The following RAD51D variants were observed in gnomAD, a reference collection of about 807,000 sequenced individuals.
RAD51D encodes the protein RAD51 paralog D, also known as DNA repair protein RAD51 homolog 4.
A neutral mutation model predicts 44.1 loss-of-function variants in RAD51D; 38 were observed. The ratio of observed to expected loss-of-function variants is 0.86; its 90% CI spans 0.67 to 1.13. The LOEUF (loss-of-function observed/expected upper bound fraction) is 1.13, where lower values mean the gene tolerates loss of function less well. Ranked by LOEUF, RAD51D falls within the 50% of genes most tolerant of loss-of-function variation. The pLI is 0.00. For synonymous variants in RAD51D, 141 were observed against 166.6 expected (o/e 0.85, Z 1.18); for missense variants, 390 against 414.0 (o/e 0.94, Z 0.50).
chr17:35,112,861 G>A (rs1235501804), intron 3 of RAD51D, among the ~76,000 whole-genome samples: 1 of 152,172 alleles, frequency 6.6e-6, no homozygotes, highest in Non-Finnish European at 1.5e-5. Flanking sequence ...CAAGGACTGG[G>A]TCCGATCCCT....
chr17:35,119,061 G>T, intron 2 of RAD51D, 50 bp downstream of exon 2: 2 of 1,566,842 alleles, frequency 1.3e-6, no homozygotes, highest in South Asian at 2.2e-5. Context: ...GCTTGGGATG[G>T]ACTTTTTAAA....
At chr17:35,105,286 T>C in intron 6 of RAD51D, among the ~76,000 whole-genome samples, 1 of 152,122 alleles carries the variant, frequency 6.6e-6, no homozygotes, top group East Asian at 1.9e-4. Flanking sequence ...CTGAGGTAAG[T>C]ATTTGTTCAA....
chr17:35,101,483 G>T, intron 8 of RAD51D, 118 bp from the exon 9 acceptor site: 1 of 1,156,496 alleles, frequency 8.6e-7, no homozygotes, highest in Non-Finnish European at 1.3e-6. Context: ...CTTCCCCAAG[G>T]TTACAAAACC....
rs1353894700 is a variant in RAD51D at position 35,103,353 on chromosome 17, G to A, written c.668-29C>T. On this transcript the variant is annotated intron_variant, in intron 7 of 9. Transcript: ENST00000345365. The surrounding 1 kb of genome is among the most constrained non-coding windows in gnomAD (Gnocchi z 4.1). ...CAGGAGGAGGAGAAGCAGAGAGGGA[G>A]GGCAGTGGGGAACCAGGGATGGGGC... The A allele has an allele frequency of 7.4e-6, 12 of 1,612,196 alleles. No individual in the cohort carries two copies. Among genetic ancestry groups the A allele is most frequent in the East Asian group, 4.5e-5 (2 of 44,864 alleles).
At chr17:35,108,681 C>G (rs1177600891) in intron 3 of RAD51D, among the ~76,000 whole-genome samples, 2 of 151,900 alleles carry the variant, frequency 1.3e-5, no homozygotes, top group Non-Finnish European at 2.9e-5. Flanking sequence ...CTACTATAAT[C>G]AAGATACAGA....
chr17:35,113,686 T>A, intron 3 of RAD51D: 1 of 262,020 alleles, frequency 3.8e-6, no homozygotes, highest in Non-Finnish European at 7.9e-6. Context: ...GCTCACCCCA[T>A]CTCTGTTTAA....
chr17:35,117,246 A>G (rs1320948061), intron 3 of RAD51D, among the ~76,000 whole-genome samples: 1 of 152,208 alleles, frequency 6.6e-6, no homozygotes, highest in Non-Finnish European at 1.5e-5. Flanking sequence ...GCCCTTAGCC[A>G]GTGCTTGATG....
At chr17:35,114,221 G>A (rs938676058) in intron 3 of RAD51D, among the ~76,000 whole-genome samples, 6 of 152,144 alleles carry the variant, frequency 3.9e-5, no homozygotes, top group East Asian at 1.9e-4. Flanking sequence ...GCAGTGAGCC[G>A]AGATCGCGCC....
At chr17:35,116,643 C>T (rs2091751671) in intron 3 of RAD51D, among the ~76,000 whole-genome samples, 2 of 152,014 alleles carry the variant, frequency 1.3e-5, no homozygotes, top group Non-Finnish European at 2.9e-5. Context: ...TACAGGCGCC[C>T]GCCACCACGC....
Position 35,103,358 on chromosome 17 carries a change from G to T in RAD51D, c.668-34C>A. The T allele has an allele frequency of 6.2e-7, 1 of 1,612,112 alleles. No individual in the cohort carries two copies. Among genetic ancestry groups the T allele is most frequent in the Non-Finnish European group, 8.5e-7 (1 of 1,178,438 alleles). ...GGAGGAGAAGCAGAGAGGGAGGGCA[G>T]TGGGGAACCAGGGATGGGGCTGGCC... On this transcript the variant is annotated intron_variant, in intron 7 of 9. Coordinates refer to ENST00000345365, the MANE Select transcript of RAD51D (RefSeq NM_002878.4). This position sits in a 1 kb window ranked among gnomAD's most constrained non-coding sequence, Gnocchi z 4.1.
At chr17:35,115,928 G>A (rs56070951) in intron 3 of RAD51D, among the ~76,000 whole-genome samples, 15 of 65,800 alleles carry the variant, frequency 2.3e-4, no homozygotes, top group East Asian at 8.4e-4. Context: ...AGGAAGGAAG[G>A]AAGGAAGGAA....
At position 35,119,791 on chromosome 17, in the gene RAD51D, C is replaced by T. The variant is rs1255145339; in HGVS notation, c.-178G>A. ...CAAGGGTAGGGCTGGGGGTCATCCG[C>T]CCGCCCGGGATCCGCCGGGATTCCC... is the stretch of plus-strand genomic sequence containing the variant. On this transcript the variant is annotated 5_prime_UTR_variant, in exon 1 of 10. Transcript: ENST00000345365. 3 of 726,654 alleles carry T rather than the reference C, an allele frequency of 4.1e-6. No individual in the cohort carries two copies. The highest frequency in any genetic ancestry group is 4.0e-5 in the Admixed American group (2 of 49,684). The allele number at this position is 726,654 out of a possible 1,614,324, so 45.0% of individuals were successfully genotyped here. A position where few individuals can be genotyped will look rare whatever the true frequency, so the allele number is the denominator to read the frequency against.
intron 3 of RAD51D, among the ~76,000 whole-genome samples, chr17:35,116,351 C>T (rs1477190884): frequency 2.0e-5 from 3 of 152,218 alleles, no homozygotes; most frequent in South Asian, 2.1e-4. Context: ...AGTTAAGAGC[C>T]GCGTTCTTAG....
chr17:35,096,767 G>A lies in RAD51D; in HGVS notation c.*4186C>T, dbSNP rs927762605. 15 of 152,262 alleles carry A rather than the reference G, an allele frequency of 9.9e-5. No homozygotes were observed. Among genetic ancestry groups the A allele is most frequent in the African/African-American group, 3.4e-4 (14 of 41,468 alleles). The allele number at this position is 152,262 out of a possible 1,614,324, so 9.4% of individuals were successfully genotyped here. A position where few individuals can be genotyped will look rare whatever the true frequency, so the allele number is the denominator to read the frequency against. On this transcript the variant is annotated 3_prime_UTR_variant, in exon 10 of 10. Transcript: ENST00000345365. ...TCCCAGCTACTTGGGAGACTGAAGT[G>A]GGAGGATCACTTGAGCTTGGGAGGT...
rs2091521028 is a variant in RAD51D, at chr17:35,100,492, G to A, written c.*461C>T. ...CTCAGAGACAGAGCTAAGGAAGAGTGGGCCCCCATCTAACAAATGGAAAGG... is the reference window on the plus strand; with the variant it reads ...CTCAGAGACAGAGCTAAGGAAGAGTAGGCCCCCATCTAACAAATGGAAAGG... On this transcript the variant is annotated 3_prime_UTR_variant, in exon 10 of 10. Transcript: ENST00000345365. 1.9e-6 allele frequency: 1 copy of A among 536,014 alleles called. No individual in the cohort carries two copies. Among genetic ancestry groups the A allele is most frequent in the Non-Finnish European group, 3.6e-6 (1 of 277,626 alleles). 33.2% of individuals were successfully genotyped at this position (536,014 alleles called of 1,614,324 possible).
rs2091500861 is a variant in RAD51D, at chr17:35,098,262, A to ATCTTTTT, written c.*2690_*2691insAAAAAGA. 1 of 152,060 alleles carries ATCTTTTT rather than the reference A, an allele frequency of 6.6e-6. No homozygotes were observed. The highest frequency in any genetic ancestry group is 2.4e-5 in the African/African-American group (1 of 41,390). The allele number at this position is 152,060 out of a possible 1,614,324, so 9.4% of individuals were successfully genotyped here. A position where few individuals can be genotyped will look rare whatever the true frequency, so the allele number is the denominator to read the frequency against. ...GGGATTTTTTTTTTCTTTTTGAAAC[A>ATCTTTTT]GAGTCTCTGTTGCCCAGGCTGGAGT... is the stretch of plus-strand genomic sequence containing the variant. On this transcript the variant is annotated 3_prime_UTR_variant, in exon 10 of 10. Coordinates refer to ENST00000345365, the MANE Select transcript of RAD51D (RefSeq NM_002878.4).
rs2091476578 is a variant in RAD51D at position 35,094,702 on chromosome 17, G to C, written c.*6251C>G. 6.6e-6 allele frequency: 1 copy of C among 152,234 alleles called. No individual in the cohort carries two copies. Among genetic ancestry groups the C allele is most frequent in the African/African-American group, 2.4e-5 (1 of 41,430 alleles). 9.4% of individuals were successfully genotyped at this position (152,234 alleles called of 1,614,324 possible). A position where few individuals can be genotyped will look rare whatever the true frequency, so the allele number is the denominator to read the frequency against. On this transcript the variant is annotated 3_prime_UTR_variant, in exon 10 of 10. Coordinates refer to ENST00000345365, the MANE Select transcript of RAD51D (RefSeq NM_002878.4). ...TGGGAAAAAATGGGTTTGGTATCAG[G>C]CAGACATGTGTCTGGATTCCCGTGC...
intron 2 of RAD51D, 32 bp downstream of exon 2, chr17:35,119,079 T>C (rs2142476848): frequency 6.3e-7 from 1 of 1,597,170 alleles, no homozygotes; most frequent in Non-Finnish European, 8.6e-7. Context: ...AAAAAGACAC[T>C]CAGGTTTGGA....
chr17:35,119,281 T>C lies in RAD51D; in HGVS notation c.83-109A>G, dbSNP rs1199414091. 2.8e-6 allele frequency: 3 copies of C among 1,087,906 alleles called. No individual in the cohort carries two copies. In the African/African-American group the frequency reaches 4.7e-5, roughly 17 times the overall value. 67.4% of individuals were successfully genotyped at this position (1,087,906 alleles called of 1,614,324 possible). ...GTCAATTCTACCCCCCGGCAGGCCG[T>C]CTCAGGAGGCCAGTGTGAAATAACA... On this transcript the variant is annotated intron_variant, in intron 1 of 9. Transcript: ENST00000345365.
Sources: allele counts gnomAD v4.1 joint callset (sites outside exome capture counted in the v4.1 genomes callset), GRCh38; gene constraint gnomAD v4.1.1; non-coding constraint Gnocchi (gnomAD v3.1); transcripts MANE v1.5; gene names NCBI Gene and HGNC (gene_info 2026-07-23, HGNC 2026-07-21).